PPP4R3B: variants seen among roughly 807,000 people sequenced by gnomAD.
PPP4R3B encodes the protein serine/threonine-protein phosphatase 4 regulatory subunit 3B.
Under a neutral mutation model 95.4 loss-of-function variants are expected in PPP4R3B, and 52 were observed. The observed-to-expected ratio is 0.54, with a 90% CI of 0.44 to 0.69. The LOEUF (loss-of-function observed/expected upper bound fraction) is 0.69. PPP4R3B is among the 30% of genes least tolerant of loss of function. PPP4R3B has a pLI of 0.00. For synonymous variants in PPP4R3B, 407 were observed against 343.9 expected (o/e 1.18, Z -2.03); for missense variants, 1,003 against 1,005.9 (o/e 1.00, Z 0.04).
chr2:55,579,769 T>A lies in PPP4R3B; in HGVS notation c.1378A>T (p.Ser460Cys). 6.3e-7 allele frequency: 1 copy of A among 1,599,212 alleles called. No individual in the cohort carries two copies. ...TTGTAGAAAAAATTTAGAAATTCAC[T>A]TTTTTCGGTTTTCTGAAACATAGAA... is the stretch of plus-strand genomic sequence containing the variant. ...MLATTNKTEKSEFLNFFYNHC... is the reference protein window; with the variant it reads ...MLATTNKTEKCEFLNFFYNHC... The change falls in exon 9 of 17, where the codon AGT becomes TGT. Residue 460 changes from serine (S) to cysteine (C), a missense_variant. Ser to Cys is a moderately radical substitution (Grantham distance 112). Transcript: ENST00000616407.
At chr2:55,573,882 C>G in intron 11 of PPP4R3B, 105 bp from the exon 12 acceptor site, 1 of 571,818 alleles carries the variant, frequency 1.7e-6, no homozygotes, top group Admixed American at 5.5e-5. Flanking sequence ...AACTGTATTT[C>G]CTCCTTTTTT....
At chr2:55,613,462 AATGC>A (rs1278619775) in intron 2 of PPP4R3B, among the ~76,000 whole-genome samples, 4 of 152,142 alleles carry the variant, frequency 2.6e-5, no homozygotes. Flanking sequence ...TTTTTTAAAT[AATGC>A]ATTTTTTCCA....
Position 55,588,860 on chromosome 2 carries a change from T to A in PPP4R3B, c.999+19A>T, listed in dbSNP as rs775146747. 6 of 1,563,162 alleles carry A rather than the reference T, an allele frequency of 3.8e-6. No homozygotes were observed. The highest frequency in any genetic ancestry group is 5.3e-6 in the Non-Finnish European group (6 of 1,141,374). ...CAAAAGAATAAGTGCTCTTTAAGAG[T>A]TTGAATTTCATAACTTACCAATTCA... On this transcript the variant is annotated intron_variant, in intron 5 of 16. Transcript: ENST00000616407.
intron 3 of PPP4R3B, among the ~76,000 whole-genome samples, chr2:55,602,428 C>A (rs1692747917): frequency 6.6e-6 from 1 of 152,176 alleles, no homozygotes; most frequent in South Asian, 2.1e-4. Flanking sequence ...GAATATCCTG[C>A]TTCATAATAA....
intron 7 of PPP4R3B, among the ~76,000 whole-genome samples, chr2:55,584,160 A>C (rs1245767174): frequency 6.6e-6 from 1 of 152,160 alleles, no homozygotes; most frequent in Non-Finnish European, 1.5e-5. Context: ...AAAAACAAAA[A>C]ACAAAAAGGA....
chr2:55,585,157 T>C lies in PPP4R3B; in HGVS notation c.1127A>G (p.Asp376Gly), dbSNP rs764328878. The C allele has an allele frequency of 1.2e-6, 2 of 1,608,546 alleles. No individual in the cohort carries two copies. Among genetic ancestry groups the C allele is most frequent in the Non-Finnish European group, 1.7e-6 (2 of 1,177,860 alleles). ...PALEIVMGMD[D>G]LQVRSAATDI... The stretch of plus-strand genomic sequence containing the variant: ...TGTAGCAGCTGATCTGACTTGCAAA[T>C]CATCCATGCCCTGATAAAAGGAAAA... Residue 376 changes from aspartate (D) to glycine (G), a missense_variant, in exon 7 of 17, where the codon GAT (aspartate) becomes GGT (glycine). Around this residue, in one of 3 missense-constraint regions of PPP4R3B, gnomAD observed 695 missense variants for 686.2 expected, o/e 1.01. Transcript: ENST00000616407.
At chr2:55,580,177 C>T (rs1403084990) in intron 8 of PPP4R3B, among the ~76,000 whole-genome samples, 3 of 152,060 alleles carry the variant, frequency 2.0e-5, no homozygotes, top group Non-Finnish European at 1.5e-5. Flanking sequence ...ATCTATTGTA[C>T]AACATATATA....
intron 4 of PPP4R3B, among the ~76,000 whole-genome samples, chr2:55,593,761 C>G (rs1336735196): frequency 6.6e-6 from 1 of 152,046 alleles, no homozygotes; most frequent in Non-Finnish European, 1.5e-5. Context: ...AAATAGAGAC[C>G]ACTGGCCACA....
chr2:55,616,701 T>TG (rs1694983880), intron 1 of PPP4R3B: 1 of 152,570 alleles, frequency 6.6e-6, no homozygotes, highest in African/African-American at 2.4e-5. Context: ...ACCTGTCGAC[T>TG]GTGGCACCTG....
intron 13 of PPP4R3B, 65 bp downstream of exon 13, chr2:55,568,129 T>G: frequency 2.6e-6 from 3 of 1,135,382 alleles, no homozygotes; most frequent in Non-Finnish European, 3.5e-6. Flanking sequence ...TACATGTAAT[T>G]CTTTTACATA....
At chr2:55,577,223 T>C (rs1336403627) in intron 11 of PPP4R3B, 92 bp downstream of exon 11, 5 of 1,426,902 alleles carry the variant, frequency 3.5e-6, no homozygotes, top group Non-Finnish European at 1.8e-6. Context: ...TGCCAAAATA[T>C]GCTTTTCTTA....
At chr2:55,602,277 A>ATG (rs1356103432) in intron 3 of PPP4R3B, among the ~76,000 whole-genome samples, 2 of 152,208 alleles carry the variant, frequency 1.3e-5, no homozygotes, top group Non-Finnish European at 2.9e-5. Context: ...CCTACGCTAA[A>ATG]TGTAGATGCT....
intron 2 of PPP4R3B, among the ~76,000 whole-genome samples, chr2:55,611,668 G>C (rs142698903): frequency 5.1e-4 from 78 of 152,224 alleles, no homozygotes; most frequent in African/African-American, 1.7e-3. Flanking sequence ...CAATTTAGTA[G>C]TTGGCTCATT....
intron 16 of PPP4R3B, among the ~76,000 whole-genome samples, chr2:55,553,386 C>T (rs1257478805): frequency 6.6e-6 from 1 of 152,058 alleles, no homozygotes; most frequent in African/African-American, 2.4e-5. Flanking sequence ...CTACAAACAA[C>T]TAACACCTCC....
chr2:55,607,767 A>C (rs1572728182), intron 2 of PPP4R3B, among the ~76,000 whole-genome samples: 1 of 152,130 alleles, frequency 6.6e-6, no homozygotes, highest in East Asian at 1.9e-4. Context: ...TCAAAGCCGC[A>C]ATCTTCTAAC....
In PPP4R3B at chr2:55,560,066, G is replaced by A. The variant is rs962918255; in HGVS notation, c.2261-1098C>T. On this transcript the variant is annotated intron_variant, in intron 15 of 16. Transcript: ENST00000616407. ...GAACCCTGGAGGCAGAGGATGCAGT[G>A]AGCTGAGATTGTGCCACTGCCCACC... Among the ~76,000 whole-genome samples, 16 of 152,146 alleles carry A rather than the reference G, an allele frequency of 1.1e-4. No homozygotes were observed. The East Asian group carries it at 1.2e-3, about 11-fold the overall frequency.
Position 55,588,961 on chromosome 2 carries a change from A to G in PPP4R3B, c.922-5T>C, listed in dbSNP as rs768405056. The G allele has an allele frequency of 6.4e-7, 1 of 1,561,866 alleles. No individual in the cohort carries two copies. The highest frequency in any genetic ancestry group is 1.1e-5 in the South Asian group (1 of 89,062). ...AGACAAAAACTTCTCATCTTCCTGC[A>G]TGAGAAAAATAATTACTATGAAATA... On this transcript the variant is annotated splice_region_variant and splice_polypyrimidine_tract_variant and intron_variant, in intron 4 of 16. Coordinates refer to ENST00000616407, the MANE Select transcript of PPP4R3B (RefSeq NM_001122964.3).
chr2:55,609,174 G>A (rs1197789297), intron 2 of PPP4R3B, among the ~76,000 whole-genome samples: 2 of 151,836 alleles, frequency 1.3e-5, no homozygotes, highest in Admixed American at 1.3e-4. Context: ...TAATTCATCT[G>A]ATTTTTTTTT....
At position 55,548,358 on chromosome 2, in the gene PPP4R3B, C is replaced by G. The variant is rs2103698008; in HGVS notation, c.*1553G>C. 1 of 152,588 alleles carries G rather than the reference C, an allele frequency of 6.6e-6. No homozygotes were observed. The highest frequency in any genetic ancestry group is 1.5e-5 in the Non-Finnish European group (1 of 68,008). The allele number at this position is 152,588 out of a possible 1,614,324, so 9.5% of individuals were successfully genotyped here. The stretch of plus-strand genomic sequence containing the variant: ...GGAGTTAATTTATATTTACAACAAA[C>G]CAAACACAAACATCAATTATGGAAT... On this transcript the variant is annotated 3_prime_UTR_variant, in exon 17 of 17. Transcript: ENST00000616407.
Sources: gnomAD v4.1 joint callset for allele counts (sites outside exome capture counted in the v4.1 genomes callset) on GRCh38, gnomAD v4.1.1 for gene constraint, gnomAD v4.1.1 regional missense constraint, MANE v1.5 for transcripts, NCBI Gene and HGNC (gene_info 2026-07-23, HGNC 2026-07-21) for gene names.